The following GALNT13 variants were observed in gnomAD, a reference collection of about 807,000 sequenced individuals.
GALNT13 encodes UDP-GalNAc:polypeptide N-acetylgalactosaminyltransferase 13.
GALNT13 carries 28 observed loss-of-function variants against 64.2 expected under a neutral mutation model. The ratio of observed to expected loss-of-function variants is 0.44; its 90% CI spans 0.32 to 0.60. The LOEUF is 0.60. Among genes scored for constraint, GALNT13 ranks in the 20% least tolerant of loss-of-function variants. The pLI, the probability that GALNT13 is intolerant of heterozygous loss-of-function variation, is 0.05. For synonymous variants in GALNT13, 214 were observed against 224.6 expected (o/e 0.95, Z 0.42); for missense variants, 577 against 669.8 (o/e 0.86, Z 1.53).
chr2:153,125,889 A>T, the GALNT13 span, among the ~76,000 whole-genome samples: 35 of 152,166 alleles, frequency 2.3e-4, no homozygotes, highest in Admixed American at 8.5e-4. Context: ...GTTTATGTAG[A>T]GTATAGTCAT....
At chr2:154,408,750 A>G (rs919788479) in intron 10 of GALNT13, among the ~76,000 whole-genome samples, 11 of 152,058 alleles carry the variant, frequency 7.2e-5, no homozygotes, top group African/African-American at 2.7e-4. Context: ...TTTCTTGATT[A>G]GATGCCAATG....
chr2:153,643,081 T>A, the GALNT13 span, among the ~76,000 whole-genome samples: 2 of 151,306 alleles, frequency 1.3e-5, no homozygotes, highest in East Asian at 1.9e-4. Context: ...ACTTTTATAG[T>A]AGAAAAATAG....
chr2:153,661,443 A>G, the GALNT13 span, among the ~76,000 whole-genome samples: 5 of 152,324 alleles, frequency 3.3e-5, no homozygotes, highest in African/African-American at 9.6e-5. Flanking sequence ...AAGGCATATC[A>G]CATCCCCAAG....
At chr2:153,188,726 G>T in the GALNT13 span, among the ~76,000 whole-genome samples, 5 of 152,114 alleles carry the variant, frequency 3.3e-5, no homozygotes, top group Non-Finnish European at 5.9e-5. Context: ...ATGATATAGA[G>T]ATTAGAATAT....
the GALNT13 span, among the ~76,000 whole-genome samples, chr2:153,335,095 G>C: frequency 1.4e-4 from 22 of 152,252 alleles, no homozygotes; most frequent in Non-Finnish European, 2.4e-4. Flanking sequence ...TATGTAAGAA[G>C]TGTCTTTTGC....
chr2:154,274,548 T>G (rs1691534225), intron 8 of GALNT13, among the ~76,000 whole-genome samples: 1 of 152,140 alleles, frequency 6.6e-6, no homozygotes, highest in Non-Finnish European at 1.5e-5. Flanking sequence ...ACCCCCATGC[T>G]GCTCTTGGCA....
intron 9 of GALNT13, among the ~76,000 whole-genome samples, chr2:154,364,025 C>G (rs1574164830): frequency 6.6e-6 from 1 of 151,870 alleles, no homozygotes; most frequent in Non-Finnish European, 1.5e-5. Context: ...ATTGCATGAG[C>G]TAAAAATCAC....
Position 154,369,450 on chromosome 2 carries a change from A to T in GALNT13, c.1157-26541A>T, listed in dbSNP as rs113256419. Among the ~76,000 whole-genome samples the T allele has an allele frequency of 5.0e-3, 767 of 152,230 alleles. 6 individuals are homozygous for T. The highest frequency in any genetic ancestry group is 0.018 in the African/African-American group (731 of 41,544). On this transcript the variant is annotated intron_variant, in intron 9 of 12. Transcript: ENST00000392825. ...AGCTCTCAGGAAAGGAAAATCAAAG[A>T]CCTCTGTTTAAGCATTGCATGTTTG...
At chr2:153,966,180 C>CTGTTCTG (rs1392919035) in intron 3 of GALNT13, among the ~76,000 whole-genome samples, 1 of 147,458 alleles carries the variant, frequency 6.8e-6, no homozygotes, top group African/African-American at 2.5e-5. Flanking sequence ...TTTCTCCTAA[C>CTGTTCTG]TGTTCTGGAA....
At chr2:154,334,860 A>G (rs977274737) in intron 9 of GALNT13, among the ~76,000 whole-genome samples, 3 of 152,056 alleles carry the variant, frequency 2.0e-5, no homozygotes, top group Non-Finnish European at 4.4e-5. Context: ...GCCCTTTGAG[A>G]TAAATTTCAG....
the GALNT13 span, among the ~76,000 whole-genome samples, chr2:153,186,588 G>C: frequency 6.7e-6 from 1 of 150,160 alleles, no homozygotes; most frequent in Non-Finnish European, 1.5e-5. Context: ...TTTTTTTTGA[G>C]ATGGAATTTT....
intron 4 of GALNT13, among the ~76,000 whole-genome samples, chr2:154,219,907 G>C (rs915949924): frequency 1.4e-4 from 21 of 151,962 alleles, no homozygotes; most frequent in African/African-American, 5.1e-4. Context: ...ACAGAAACAG[G>C]GAGACCCTCA....
the GALNT13 span, among the ~76,000 whole-genome samples, chr2:153,770,325 C>G: frequency 6.6e-6 from 1 of 152,066 alleles, no homozygotes; most frequent in African/African-American, 2.4e-5. Context: ...GGTCTGGTTG[C>G]TTTCAGTGAC....
chr2:154,292,200 A>T (rs1692685255), intron 8 of GALNT13, among the ~76,000 whole-genome samples: 1 of 151,996 alleles, frequency 6.6e-6, no homozygotes, highest in South Asian at 2.1e-4. Flanking sequence ...GAGAGAACTG[A>T]CTCATGTTTA....
the GALNT13 span, among the ~76,000 whole-genome samples, chr2:153,671,150 T>C: frequency 6.6e-6 from 1 of 152,202 alleles, no homozygotes; most frequent in South Asian, 2.1e-4. Context: ...CAGGAGAATT[T>C]CCCCAACCTA....
intron 1 of GALNT13, among the ~76,000 whole-genome samples, chr2:153,895,057 A>G (rs1687801741): frequency 6.6e-6 from 1 of 152,158 alleles, no homozygotes; most frequent in Non-Finnish European, 1.5e-5. Flanking sequence ...CAGACTAGGA[A>G]AATTGCTAAA....
At chr2:153,608,708 ATAAATATG>A in the GALNT13 span, among the ~76,000 whole-genome samples, 17 of 147,836 alleles carry the variant, frequency 1.1e-4, no homozygotes, top group Non-Finnish European at 2.1e-4. Flanking sequence ...ATATTCATAT[ATAAATATG>A]TAAATATATG....
chr2:153,795,729 C>A, the GALNT13 span, among the ~76,000 whole-genome samples: 1 of 152,164 alleles, frequency 6.6e-6, no homozygotes, highest in Non-Finnish European at 1.5e-5. Context: ...GATTATTTCA[C>A]ATTTTTACCA....
chr2:154,127,771 TC>T (rs762590123), intron 3 of GALNT13, among the ~76,000 whole-genome samples: 44 of 150,376 alleles, frequency 2.9e-4, no homozygotes, highest in Non-Finnish European at 4.1e-4. Flanking sequence ...GGTATATATA[TC>T]CATATACACA....
Sources: gnomAD v4.1 joint callset for allele counts (sites outside exome capture counted in the v4.1 genomes callset) on GRCh38, gnomAD v4.1.1 for gene constraint, MANE v1.5 for transcripts, NCBI Gene and HGNC (gene_info 2026-07-23, HGNC 2026-07-21) for gene names.